The following USO1 variants were observed in gnomAD, a reference collection of about 807,000 sequenced individuals.
The protein encoded by USO1 is USO1 vesicle transport factor, also known as general vesicular transport factor p115.
A neutral mutation model predicts 124.5 loss-of-function variants in USO1; 57 were observed. That is an observed-to-expected ratio of 0.46 (90% confidence interval 0.37 to 0.57). The LOEUF (loss-of-function observed/expected upper bound fraction) is 0.57, where lower values mean the gene tolerates loss of function less well. Among genes scored for constraint, USO1 ranks in the 20% least tolerant of loss-of-function variants. The pLI, the probability that USO1 is intolerant of heterozygous loss-of-function variation, is 0.00. For missense variants in USO1, 900 were observed against 1,040.6 expected (o/e 0.86, Z 1.86); for synonymous variants, 369 against 362.8 (o/e 1.02, Z -0.19).
At chr4:75,779,099 A>C (rs181869342) in intron 8 of USO1, among the ~76,000 whole-genome samples, 1 of 152,290 alleles carries the variant, frequency 6.6e-6, no homozygotes, top group Non-Finnish European at 1.5e-5. Context: ...GGGGTACCAC[A>C]AACAGTGCCC....
chr4:75,742,597 A>G (rs971519577), intron 1 of USO1, among the ~76,000 whole-genome samples: 1 of 152,240 alleles, frequency 6.6e-6, no homozygotes, highest in East Asian at 1.9e-4. Context: ...TTTCAAGTAC[A>G]GAATGGTTGA....
intron 4 of USO1, among the ~76,000 whole-genome samples, chr4:75,759,110 G>C (rs1288772502): frequency 6.6e-6 from 1 of 151,126 alleles, no homozygotes; most frequent in Non-Finnish European, 1.5e-5. Context: ...TTAGTTAGGA[G>C]GTTTTTTTTT....
intron 22 of USO1, among the ~76,000 whole-genome samples, chr4:75,810,926 TCAC>T (rs1180618042): frequency 6.6e-6 from 1 of 152,008 alleles, no homozygotes; most frequent in Non-Finnish European, 1.5e-5. Flanking sequence ...AGACAGGGTT[TCAC>T]CACGTTGGCC....
At chr4:75,785,546 A>G (rs1722335535) in intron 9 of USO1, among the ~76,000 whole-genome samples, 1 of 152,058 alleles carries the variant, frequency 6.6e-6, no homozygotes, top group African/African-American at 2.4e-5. Context: ...AACTGTCCTG[A>G]TATGACTTCT....
chr4:75,749,001 T>C (rs1721218502), intron 1 of USO1, among the ~76,000 whole-genome samples: 1 of 151,838 alleles, frequency 6.6e-6, no homozygotes, highest in Non-Finnish European at 1.5e-5. Flanking sequence ...AGGAAAAGTG[T>C]CAACCAGTTA....
chr4:75,800,631 C>T lies in USO1; in HGVS notation c.1696C>T (p.Gln566Ter). Residue 566 changes from glutamine to a stop codon, truncating the protein, a stop_gained, in exon 16 of 24, where the codon CAA (glutamine) becomes TAA (stop). Coordinates refer to ENST00000514213, the MANE Select transcript of USO1 (RefSeq NM_003715.4). LOFTEE classifies it high-confidence loss of function. ...TTATCTCCGTAGAGAGAAGCTAAAA[C>T]AACTGATTGAGAAGAGGATTGGCAA... is the stretch of plus-strand genomic sequence containing the variant. ...LESYMKEKLKQLIEKRIGKEN... is the reference protein window; with the variant it reads ...LESYMKEKLK The T allele has an allele frequency of 6.4e-7, 1 of 1,553,464 alleles. No individual in the cohort carries two copies. Among genetic ancestry groups the T allele is most frequent in the Non-Finnish European group, 8.6e-7 (1 of 1,157,420 alleles).
intron 22 of USO1, among the ~76,000 whole-genome samples, chr4:75,811,496 C>T (rs1185236144): frequency 6.6e-6 from 1 of 152,100 alleles, no homozygotes; most frequent in Non-Finnish European, 1.5e-5. Context: ...ATCACAATAA[C>T]AAAACAAGGA....
At chr4:75,773,469 A>G (rs6856162) in intron 7 of USO1, among the ~76,000 whole-genome samples, 14,001 of 152,220 alleles carry the variant, frequency 0.092, 848 homozygotes, top group South Asian at 0.2. Flanking sequence ...TGAGTATACT[A>G]TAAGTTCATG....
chr4:75,779,750 A>G (rs324704), intron 8 of USO1, among the ~76,000 whole-genome samples: 122,197 of 152,250 alleles, frequency 0.8, 49,236 homozygotes, highest in East Asian at 0.99. Flanking sequence ...ACAAGGTGAA[A>G]CAGCAAGTGC....
At chr4:75,733,805 G>T (rs2149138680) in intron 1 of USO1, among the ~76,000 whole-genome samples, 1 of 152,226 alleles carries the variant, frequency 6.6e-6, no homozygotes, top group Non-Finnish European at 1.5e-5. Context: ...TTGCTGTGCA[G>T]AAGCTCTTTA....
chr4:75,759,947 C>G (rs946766820), intron 4 of USO1, among the ~76,000 whole-genome samples: 4 of 150,954 alleles, frequency 2.6e-5, no homozygotes, highest in Non-Finnish European at 5.9e-5. Context: ...CATGGTGGCT[C>G]ACGCCTGTAA....
chr4:75,776,732 GT>G (rs1038931244), intron 8 of USO1, among the ~76,000 whole-genome samples: 12 of 152,064 alleles, frequency 7.9e-5, no homozygotes, highest in Admixed American at 5.9e-4. Context: ...GATATTTATG[GT>G]CCTACCTAAG....
chr4:75,739,144 G>T (rs368728985), intron 1 of USO1, among the ~76,000 whole-genome samples: 1 of 152,266 alleles, frequency 6.6e-6, no homozygotes, highest in East Asian at 1.9e-4. Context: ...GAGCCACTGA[G>T]CCCAGCCAAG....
chr4:75,753,213 G>A (rs1379005581), intron 3 of USO1, among the ~76,000 whole-genome samples: 3 of 149,730 alleles, frequency 2.0e-5, no homozygotes, highest in East Asian at 2.0e-4. Context: ...GAGCCCAGGA[G>A]TTCGATACTA....
chr4:75,785,732 A>AT (rs1211275502), intron 9 of USO1, among the ~76,000 whole-genome samples: 1 of 152,088 alleles, frequency 6.6e-6, no homozygotes, highest in African/African-American at 2.4e-5. Flanking sequence ...ATTACTGTTG[A>AT]TTTTGTCCAT....
At chr4:75,785,775 A>G (rs913472243) in intron 9 of USO1, among the ~76,000 whole-genome samples, 1 of 152,180 alleles carries the variant, frequency 6.6e-6, no homozygotes, top group African/African-American at 2.4e-5. Context: ...TTCAAAAAAT[A>G]TCAAGTGGAG....
rs114248226 is a variant in USO1 at position 75,747,005 on chromosome 4, T to C, written c.67-5368T>C. Among the ~76,000 whole-genome samples the C allele has an allele frequency of 5.7e-3, 871 of 152,272 alleles. 16 individuals carry two copies. The highest frequency in any genetic ancestry group is 0.02 in the African/African-American group (814 of 41,560). On this transcript the variant is annotated intron_variant, in intron 1 of 23. Coordinates refer to ENST00000514213, the MANE Select transcript of USO1 (RefSeq NM_003715.4). ...AAAATTTGCTAACATTTATTGAAGA[T>C]TCATAGGTGCCAGGTATTATATAAA...
At chr4:75,786,073 G>A (rs562063979) in intron 9 of USO1, among the ~76,000 whole-genome samples, 29 of 152,092 alleles carry the variant, frequency 1.9e-4, no homozygotes, top group Non-Finnish European at 3.5e-4. Context: ...ACTACTGGTT[G>A]AAGTTTTTCT....
chr4:75,769,275 T>C (rs1397794334), intron 4 of USO1, among the ~76,000 whole-genome samples: 1 of 152,216 alleles, frequency 6.6e-6, no homozygotes, highest in East Asian at 1.9e-4. Context: ...TATAAAGCAG[T>C]GAATTCTTTT....
Sources: allele counts gnomAD v4.1 joint callset (sites outside exome capture counted in the v4.1 genomes callset), GRCh38; gene constraint gnomAD v4.1.1; transcripts MANE v1.5; gene names NCBI Gene and HGNC (gene_info 2026-07-23, HGNC 2026-07-21).